ADAMTS12: variants seen among roughly 807,000 people sequenced by gnomAD.
ADAMTS12 encodes ADAM metallopeptidase with thrombospondin type 1 motif 12.
In ADAMTS12, 118 loss-of-function variants were observed where a neutral mutation model predicts 167.8. The observed-to-expected ratio is 0.70, with a 90% CI of 0.61 to 0.82. The LOEUF (loss-of-function observed/expected upper bound fraction) is 0.82, where lower values mean the gene tolerates loss of function less well. ADAMTS12 is among the 40% of genes least tolerant of loss of function. The pLI, the probability that ADAMTS12 is intolerant of heterozygous loss-of-function variation, is 0.00. For missense variants in ADAMTS12, 1,916 were observed against 1,998.8 expected, an observed-to-expected ratio of 0.96 and a Z score of 0.79; for synonymous variants, 704 against 716.9, an observed-to-expected ratio of 0.98 and a Z score of 0.29.
intron 6 of ADAMTS12, among the ~76,000 whole-genome samples, chr5:33,660,270 C>T (rs1044482611): frequency 2.6e-5 from 4 of 152,176 alleles, no homozygotes; most frequent in Non-Finnish European, 5.9e-5. Context: ...TAAGTTATGG[C>T]TGTTGGGGTC....
intron 23 of ADAMTS12, among the ~76,000 whole-genome samples, chr5:33,530,355 G>A (rs529772768): frequency 6.6e-6 from 1 of 152,222 alleles, no homozygotes; most frequent in African/African-American, 2.4e-5. Context: ...AGAGCAGTGG[G>A]TGTTGTTCAC....
At chr5:33,761,310 G>C (rs1314768880) in intron 2 of ADAMTS12, among the ~76,000 whole-genome samples, 2 of 152,248 alleles carry the variant, frequency 1.3e-5, no homozygotes, top group Non-Finnish European at 2.9e-5. Context: ...CCTGGAAGGA[G>C]GGGCAGCCAG....
intron 7 of ADAMTS12, among the ~76,000 whole-genome samples, chr5:33,657,379 T>A (rs1741099162): frequency 6.6e-6 from 1 of 152,164 alleles, no homozygotes; most frequent in Non-Finnish European, 1.5e-5. Flanking sequence ...GGGGATATAA[T>A]TCAGCTGTTC....
chr5:33,739,213 T>C (rs968969794), intron 3 of ADAMTS12, among the ~76,000 whole-genome samples: 3 of 151,962 alleles, frequency 2.0e-5, no homozygotes, highest in East Asian at 1.9e-4. Flanking sequence ...GTGACGAATG[T>C]TTAAACACAC....
chr5:33,626,384 T>C (rs1184849649), intron 13 of ADAMTS12, among the ~76,000 whole-genome samples: 1 of 128,228 alleles, frequency 7.8e-6, no homozygotes, highest in Admixed American at 7.7e-5. Flanking sequence ...ATGGGGGTGA[T>C]GGTAGTGGTG....
intron 16 of ADAMTS12, among the ~76,000 whole-genome samples, chr5:33,605,642 C>T (rs1164352722): frequency 6.6e-6 from 1 of 152,072 alleles, no homozygotes; most frequent in African/African-American, 2.4e-5. Context: ...ATATAAAAAG[C>T]ATTTAAGATG....
intron 2 of ADAMTS12, among the ~76,000 whole-genome samples, chr5:33,773,858 C>T (rs1579924028): frequency 6.6e-6 from 1 of 152,086 alleles, no homozygotes; most frequent in South Asian, 2.1e-4. Context: ...GAAATATGGC[C>T]AAGAAGCCAC....
intron 8 of ADAMTS12, 149 bp from the exon 9 acceptor site, chr5:33,649,115 A>G (rs4866353): frequency 0.6 from 503,805 of 836,556 alleles, 155,036 homozygotes; most frequent in East Asian, 0.65. Context: ...TAGGCCCATC[A>G]TGGGAGTTAT....
intron 2 of ADAMTS12, among the ~76,000 whole-genome samples, chr5:33,777,313 T>TA (rs2112435132): frequency 6.6e-6 from 1 of 152,126 alleles, no homozygotes; most frequent in East Asian, 1.9e-4. Flanking sequence ...CTGGCACATT[T>TA]AAAAAAATCA....
At chr5:33,858,472 C>T (rs991413472) in intron 2 of ADAMTS12, among the ~76,000 whole-genome samples, 9 of 151,968 alleles carry the variant, frequency 5.9e-5, no homozygotes, top group African/African-American at 1.9e-4. Flanking sequence ...GCCAAGGCAA[C>T]ATAGTGAGAC....
intron 15 of ADAMTS12, 23 bp from the exon 16 acceptor site, chr5:33,614,399 T>G (rs371327798): frequency 3.7e-6 from 6 of 1,612,656 alleles, no homozygotes; most frequent in Non-Finnish European, 5.1e-6. Flanking sequence ...AGAGGGGTCA[T>G]GTCAAACTGT....
At chr5:33,813,203 C>A (rs1426749305) in intron 2 of ADAMTS12, among the ~76,000 whole-genome samples, 1 of 152,200 alleles carries the variant, frequency 6.6e-6, no homozygotes, top group Non-Finnish European at 1.5e-5. Flanking sequence ...CTATATTGCT[C>A]TGCATCCTCC....
chr5:33,736,483 T>G (rs988669913), intron 3 of ADAMTS12, among the ~76,000 whole-genome samples: 2 of 152,278 alleles, frequency 1.3e-5, no homozygotes, highest in Non-Finnish European at 2.9e-5. Context: ...TTTTGTATTC[T>G]GCAGAATTTT....
chr5:33,853,271 C>T (rs1749284783), intron 2 of ADAMTS12, among the ~76,000 whole-genome samples: 1 of 152,180 alleles, frequency 6.6e-6, no homozygotes, highest in Admixed American at 6.5e-5. Context: ...ATAAAACCAT[C>T]AACAATGCTA....
At chr5:33,598,250 A>G (rs1021197510) in intron 16 of ADAMTS12, among the ~76,000 whole-genome samples, 3 of 152,218 alleles carry the variant, frequency 2.0e-5, no homozygotes, top group Non-Finnish European at 4.4e-5. Flanking sequence ...TACCAAGCTA[A>G]GCCCAATCTT....
At chr5:33,848,830 C>T (rs745877964) in intron 2 of ADAMTS12, among the ~76,000 whole-genome samples, 10 of 151,934 alleles carry the variant, frequency 6.6e-5, no homozygotes, top group African/African-American at 1.5e-4. Context: ...GAATCTAGAA[C>T]GTAGATTATT....
intron 3 of ADAMTS12, among the ~76,000 whole-genome samples, chr5:33,744,730 AAAG>A (rs1201212135): frequency 6.6e-6 from 1 of 152,224 alleles, no homozygotes; most frequent in Non-Finnish European, 1.5e-5. Context: ...GACACAGATT[AAAG>A]AAGGCCACCC....
At chr5:33,749,081 T>A (rs1215843212) in intron 3 of ADAMTS12, among the ~76,000 whole-genome samples, 2 of 152,170 alleles carry the variant, frequency 1.3e-5, no homozygotes, top group East Asian at 3.8e-4. Context: ...ATGAGTGACA[T>A]ATATATTAGA....
intron 3 of ADAMTS12, among the ~76,000 whole-genome samples, chr5:33,732,473 C>T (rs1744228474): frequency 1.3e-5 from 2 of 152,102 alleles, no homozygotes; most frequent in South Asian, 4.1e-4. Flanking sequence ...GCTAATAATC[C>T]TATTAAAAAT....
Sources: allele counts gnomAD v4.1 joint callset (sites outside exome capture counted in the v4.1 genomes callset), GRCh38; gene constraint gnomAD v4.1.1; transcripts MANE v1.5; gene names NCBI Gene and HGNC (gene_info 2026-07-23, HGNC 2026-07-21).